Variants in ZMYM2 observed in about 807,000 individuals in gnomAD.
ZMYM2 encodes zinc finger MYM-type containing 2.
ZMYM2 carries 56 observed loss-of-function variants against 162.8 expected under a neutral mutation model. The ratio of observed to expected loss-of-function variants is 0.34; its 90% CI spans 0.28 to 0.43. ZMYM2 has a LOEUF of 0.43. Among genes scored for constraint, ZMYM2 ranks in the 20% least tolerant of loss-of-function variants. The pLI is 1.00. For missense variants in ZMYM2, 1,275 were observed against 1,621.8 expected, an observed-to-expected ratio of 0.79 and a Z score of 3.67; for synonymous variants, 510 against 541.6, an observed-to-expected ratio of 0.94 and a Z score of 0.81.
intron 2 of ZMYM2, among the ~76,000 whole-genome samples, chr13:19,982,868 T>C (rs1957474191): frequency 6.6e-6 from 1 of 152,166 alleles, no homozygotes; most frequent in South Asian, 2.1e-4. Flanking sequence ...CCTTCCCTCT[T>C]CCAAAATTTT....
intron 3 of ZMYM2, among the ~76,000 whole-genome samples, chr13:19,997,541 TTGTA>T (rs772394750): frequency 3.7e-4 from 56 of 152,212 alleles, no homozygotes; most frequent in African/African-American, 9.9e-4. Context: ...ATGTGTGTGT[TTGTA>T]TGAGCATTTT....
the ZMYM2 span, among the ~76,000 whole-genome samples, chr13:19,931,813 A>G: frequency 6.6e-6 from 1 of 152,170 alleles, no homozygotes; most frequent in South Asian, 2.1e-4. Context: ...TTTTTTGTAG[A>G]GAAGGTCTCA....
intron 2 of ZMYM2, among the ~76,000 whole-genome samples, chr13:19,970,550 A>G (rs1318353881): frequency 6.8e-6 from 1 of 147,444 alleles, no homozygotes; most frequent in Non-Finnish European, 1.5e-5. Context: ...ACAAGAAGAG[A>G]GAGAGCCAGA....
the ZMYM2 span, among the ~76,000 whole-genome samples, chr13:19,871,603 A>G: frequency 6.6e-6 from 1 of 152,166 alleles, no homozygotes; most frequent in Non-Finnish European, 1.5e-5. Context: ...GGAATCATTC[A>G]TAACTATATG....
At chr13:19,910,429 T>G in the ZMYM2 span, among the ~76,000 whole-genome samples, 1 of 152,058 alleles carries the variant, frequency 6.6e-6, no homozygotes, top group African/African-American at 2.4e-5. Context: ...AGGGAAAGGA[T>G]TCAAAAGCTT....
chr13:19,869,520 G>T, the ZMYM2 span, among the ~76,000 whole-genome samples: 1 of 152,140 alleles, frequency 6.6e-6, no homozygotes, highest in Non-Finnish European at 1.5e-5. Flanking sequence ...GGGCGTGGTG[G>T]CTCATGCCTA....
chr13:19,966,327 T>C (rs980418280), intron 2 of ZMYM2, among the ~76,000 whole-genome samples: 1 of 149,796 alleles, frequency 6.7e-6, no homozygotes, highest in African/African-American at 2.5e-5. Context: ...AGAGATGGGG[T>C]TTCTACATGT....
At chr13:19,940,936 A>T in the ZMYM2 span, among the ~76,000 whole-genome samples, 3 of 152,184 alleles carry the variant, frequency 2.0e-5, no homozygotes, top group African/African-American at 7.2e-5. Flanking sequence ...CCTCCAAGAG[A>T]CTAGAGAGAT....
the ZMYM2 span, among the ~76,000 whole-genome samples, chr13:19,893,446 C>T: frequency 2.5e-3 from 371 of 149,892 alleles, 8 homozygotes; most frequent in African/African-American, 8.6e-3. Flanking sequence ...ACATTTAACA[C>T]ACAAATATAG....
chr13:20,062,975 C>T lies in ZMYM2; in HGVS notation c.3037+4C>T, dbSNP rs1566431145. ...ATCGAAATAGATTTTCCCAGAGGTA[C>T]TCAAAACCTTTATGACTATGGAATT... On this transcript the variant is annotated splice_donor_region_variant and intron_variant, in intron 18 of 24. Coordinates refer to ENST00000610343, the MANE Select transcript of ZMYM2 (RefSeq NM_197968.4). The T allele has an allele frequency of 1.9e-6, 3 of 1,596,128 alleles. No individual in the cohort carries two copies. Among genetic ancestry groups the T allele is most frequent in the Non-Finnish European group, 2.6e-6 (3 of 1,170,976 alleles).
At chr13:20,059,394 C>A (rs1956065181) in intron 15 of ZMYM2, 53 bp from the exon 16 acceptor site, 1 of 1,583,324 alleles carries the variant, frequency 6.3e-7, no homozygotes. Context: ...CATTGAGCAC[C>A]TGTATATAAG....
At chr13:20,057,918 C>A (rs1217793266) in intron 14 of ZMYM2, among the ~76,000 whole-genome samples, 2 of 152,098 alleles carry the variant, frequency 1.3e-5, no homozygotes, top group Non-Finnish European at 2.9e-5. Context: ...TATTTTTACT[C>A]CCTTACGCTC....
chr13:19,968,985 T>C (rs2139227319), intron 2 of ZMYM2, among the ~76,000 whole-genome samples: 1 of 152,354 alleles, frequency 6.6e-6, no homozygotes, highest in East Asian at 1.9e-4. Flanking sequence ...AAAGGACACT[T>C]CTTAAAGAAT....
At chr13:19,961,848 A>C (rs1361384291) in intron 2 of ZMYM2, among the ~76,000 whole-genome samples, 1 of 152,204 alleles carries the variant, frequency 6.6e-6, no homozygotes, top group Non-Finnish European at 1.5e-5. Flanking sequence ...TAACCTGATG[A>C]TTTTTAATTG....
intron 6 of ZMYM2, 137 bp from the exon 7 acceptor site, chr13:20,019,410 C>A: frequency 1.5e-6 from 1 of 663,142 alleles, no homozygotes; most frequent in Non-Finnish European, 2.5e-6. Flanking sequence ...GACAGGCAGA[C>A]ATTTTTAAAA....
chr13:19,874,300 A>C, the ZMYM2 span, among the ~76,000 whole-genome samples: 1 of 152,090 alleles, frequency 6.6e-6, no homozygotes, highest in Non-Finnish European at 1.5e-5. Flanking sequence ...GCTCACTGCA[A>C]CCTCAAACTC....
chr13:20,049,588 A>T (rs1377841850), intron 12 of ZMYM2, among the ~76,000 whole-genome samples: 1 of 151,972 alleles, frequency 6.6e-6, no homozygotes, highest in African/African-American at 2.4e-5. Flanking sequence ...ATAGTAACTC[A>T]TTTTGTCTTT....
chr13:20,016,980 A>G (rs1018032266), intron 6 of ZMYM2, among the ~76,000 whole-genome samples: 1 of 152,130 alleles, frequency 6.6e-6, no homozygotes, highest in South Asian at 2.1e-4. Flanking sequence ...ATTTGATCTT[A>G]TTCCATGGGC....
At chr13:20,071,578 G>A (rs1007079201) in intron 21 of ZMYM2, among the ~76,000 whole-genome samples, 2 of 152,204 alleles carry the variant, frequency 1.3e-5, no homozygotes, top group African/African-American at 4.8e-5. Flanking sequence ...GCAGATGAAG[G>A]GATGGTCCCT....
Sources: gnomAD v4.1 joint callset for allele counts (sites outside exome capture counted in the v4.1 genomes callset) on GRCh38, gnomAD v4.1.1 for gene constraint, MANE v1.5 for transcripts, NCBI Gene and HGNC (gene_info 2026-07-23, HGNC 2026-07-21) for gene names.